The following PREX2 variants were observed in gnomAD, a reference collection of about 807,000 sequenced individuals.
The protein encoded by PREX2 is phosphatidylinositol-3,4,5-trisphosphate dependent Rac exchange factor 2.
A neutral mutation model predicts 203.2 loss-of-function variants in PREX2; 107 were observed. That is an observed-to-expected ratio of 0.53 (90% confidence interval 0.45 to 0.62). The LOEUF (loss-of-function observed/expected upper bound fraction) is 0.62. Among genes scored for constraint, PREX2 ranks in the 20% least tolerant of loss-of-function variants. The probability of loss-of-function intolerance (pLI) is 0.00; values close to 1 mark genes in which losing one functional copy is unlikely to be tolerated. For synonymous variants in PREX2, 672 were observed against 663.6 expected (o/e 1.01, Z -0.19); for missense variants, 1,777 against 1,955.9 (o/e 0.91, Z 1.72).
chr8:67,980,920 T>G (rs1367646619), intron 1 of PREX2, among the ~76,000 whole-genome samples: 1 of 152,232 alleles, frequency 6.6e-6, no homozygotes, highest in Admixed American at 6.5e-5. Flanking sequence ...TATTTCTTCA[T>G]AGCAGTGTGA....
chr8:68,122,226 AT>A (rs1037533026), intron 30 of PREX2, among the ~76,000 whole-genome samples: 16 of 152,112 alleles, frequency 1.1e-4, no homozygotes, highest in African/African-American at 3.9e-4. Flanking sequence ...ATAACAACTT[AT>A]GTTTAGAGAT....
intron 1 of PREX2, among the ~76,000 whole-genome samples, chr8:67,977,187 C>T (rs570006398): frequency 1.2e-4 from 19 of 152,230 alleles, no homozygotes; most frequent in African/African-American, 4.3e-4. Context: ...AAAAGAACTC[C>T]ACAGAGCTCT....
intron 39 of PREX2, among the ~76,000 whole-genome samples, chr8:68,228,616 A>C (rs1241794952): frequency 6.6e-6 from 1 of 151,932 alleles, no homozygotes; most frequent in Non-Finnish European, 1.5e-5. Flanking sequence ...TAAAAAAAAA[A>C]TTAGCTGGGC....
At chr8:68,184,614 A>G (rs1365822160) in intron 35 of PREX2, among the ~76,000 whole-genome samples, 1 of 152,076 alleles carries the variant, frequency 6.6e-6, no homozygotes, top group Admixed American at 6.6e-5. Flanking sequence ...TCTCATAAGC[A>G]ATGGTCTGGA....
chr8:68,115,021 C>CTTTTTTTTTTTTTT (rs5892137), intron 25 of PREX2, among the ~76,000 whole-genome samples: 134 of 86,818 alleles, frequency 1.5e-3, no homozygotes, highest in Middle Eastern at 8.9e-3. Flanking sequence ...TCTTTTCTTT[C>CTTTTTTTTTTTTTT]TTTTTTTTTT....
rs764374050 is a variant in PREX2, at chr8:68,115,918, CAG to C, written c.3316_3317del (p.Asp1106LeufsTer4). ...ATTCTGGTCATGACACCATCAGCAA[CAG>C]AGACTCTTACAGGTAATTCACTAAT... is the stretch of plus-strand genomic sequence containing the variant. ...EDSGHDTISNRDSYSDCNSNR... is the reference protein window; with the variant it reads ...EDSGHDTISNXDSYSDCNSNR... On this transcript the variant is annotated frameshift_variant, in exon 26 of 40. Coordinates refer to ENST00000288368, the MANE Select transcript of PREX2 (RefSeq NM_024870.4). LOFTEE classifies it high-confidence loss of function. 7 of 1,610,724 alleles carry C rather than the reference CAG, an allele frequency of 4.3e-6. No individual in the cohort carries two copies. The highest frequency in any genetic ancestry group is 5.9e-6 in the Non-Finnish European group (7 of 1,178,748).
intron 1 of PREX2, among the ~76,000 whole-genome samples, chr8:67,977,534 A>G (rs1806144602): frequency 6.6e-6 from 1 of 152,010 alleles, no homozygotes; most frequent in Admixed American, 6.6e-5. Context: ...TACAACTCCT[A>G]CAGTTTTTGG....
intron 35 of PREX2, among the ~76,000 whole-genome samples, chr8:68,183,659 A>G (rs757654630): frequency 1.3e-5 from 2 of 152,114 alleles, no homozygotes; most frequent in Non-Finnish European, 2.9e-5. Context: ...ATCAAAGTGG[A>G]GTGACGGAGC....
intron 8 of PREX2, among the ~76,000 whole-genome samples, chr8:68,046,606 TTTAGTTGTCATAAA>T (rs1808360145): frequency 6.6e-6 from 1 of 152,140 alleles, no homozygotes. Flanking sequence ...TTGCAGGATA[TTTAGTTGTCATAAA>T]TTAGTTGTCC....
intron 35 of PREX2, among the ~76,000 whole-genome samples, chr8:68,166,099 C>T (rs546255529): frequency 9.8e-5 from 15 of 152,316 alleles, no homozygotes; most frequent in African/African-American, 3.1e-4. Context: ...CAGTTCTCTG[C>T]AGAGCTCTTT....
intron 15 of PREX2, among the ~76,000 whole-genome samples, chr8:68,079,526 T>G (rs1344843928): frequency 6.6e-5 from 10 of 152,180 alleles, no homozygotes; most frequent in African/African-American, 2.4e-4. Flanking sequence ...ACCTGGAAGT[T>G]AAATTCAGGC....
chr8:68,054,289 C>T lies in PREX2; in HGVS notation c.1093+1043C>T, dbSNP rs181954047. 3.4e-3 allele frequency among the ~76,000 whole-genome samples: 517 copies of T among 151,216 alleles called. 1 individual carries two copies. The highest frequency in any genetic ancestry group is 0.01 in the Middle Eastern group (3 of 294). On this transcript the variant is annotated intron_variant, in intron 9 of 39. Transcript: ENST00000288368. ...GTTTTGTTGAATGTAGCAGTCAATT[C>T]GAATAGCAAACAAATAGTTAAAAGG...
At position 68,120,940 on chromosome 8, in the gene PREX2, A is replaced by G; in HGVS notation, c.3615A>G (p.Glu1205=). The part of the protein sequence containing the change: ...RGLQEFQQEM[E]PKLSCPKRLR... ...ATTTAGAATTTCAACAGGAAATGGA[A>G]CCAAAGCTGAGTTGTCCAAAAAGGC... Residue 1205 remains glutamate, a synonymous_variant, in exon 30 of 40, where the codon GAA becomes GAG. Coordinates refer to ENST00000288368, the MANE Select transcript of PREX2 (RefSeq NM_024870.4). The G allele has an allele frequency of 1.2e-6, 2 of 1,612,838 alleles. No homozygotes were observed. The highest frequency in any genetic ancestry group is 1.7e-6 in the Non-Finnish European group (2 of 1,179,416).
At chr8:68,151,438 A>G (rs1445788172) in intron 34 of PREX2, among the ~76,000 whole-genome samples, 1 of 152,062 alleles carries the variant, frequency 6.6e-6, no homozygotes, top group Non-Finnish European at 1.5e-5. Context: ...AACCAAAAAT[A>G]AGGCCACATT....
intron 1 of PREX2, 72 bp downstream of exon 1, chr8:67,952,607 A>G (rs772425405): frequency 6.4e-7 from 1 of 1,553,828 alleles, no homozygotes; most frequent in Non-Finnish European, 8.7e-7. Flanking sequence ...GGCTGCGGGA[A>G]GGACGCGCGG....
At chr8:68,120,031 G>A (rs1810737678) in intron 28 of PREX2, among the ~76,000 whole-genome samples, 165 bp from the exon 29 acceptor site, 1 of 152,026 alleles carries the variant, frequency 6.6e-6, no homozygotes, top group Non-Finnish European at 1.5e-5. Flanking sequence ...AATGTTATCA[G>A]GTGCATTTAT....
chr8:68,040,435 T>G (rs1252329572), intron 7 of PREX2, among the ~76,000 whole-genome samples: 2 of 152,124 alleles, frequency 1.3e-5, no homozygotes, highest in African/African-American at 4.8e-5. Flanking sequence ...ACACAATACC[T>G]CCCTCCTTCC....
Position 68,233,372 on chromosome 8 carries a change from T to C in PREX2, c.*1994T>C, listed in dbSNP as rs1813205435. ...TTCAGTTGTACTTTGCCATATTTCATGGGGCAAATTATCAGCTATATTGTG... is the reference window on the plus strand; with the variant it reads ...TTCAGTTGTACTTTGCCATATTTCACGGGGCAAATTATCAGCTATATTGTG... On this transcript the variant is annotated 3_prime_UTR_variant, in exon 40 of 40. Coordinates refer to ENST00000288368, the MANE Select transcript of PREX2 (RefSeq NM_024870.4). 6.6e-6 allele frequency: 1 copy of C among 152,190 alleles called. No homozygotes were observed. Among genetic ancestry groups the C allele is most frequent in the African/African-American group, 2.4e-5 (1 of 41,464 alleles). 9.4% of individuals were successfully genotyped at this position (152,190 alleles called of 1,614,324 possible).
intron 35 of PREX2, among the ~76,000 whole-genome samples, chr8:68,174,479 C>CT: frequency 6.6e-6 from 1 of 152,252 alleles, no homozygotes; most frequent in South Asian, 2.1e-4. Context: ...TTTGGCTTGG[C>CT]TTGGCTTTTC....
Sources: gnomAD v4.1 joint callset for allele counts (sites outside exome capture counted in the v4.1 genomes callset) on GRCh38, gnomAD v4.1.1 for gene constraint, MANE v1.5 for transcripts, NCBI Gene and HGNC (gene_info 2026-07-23, HGNC 2026-07-21) for gene names.